Variants in CTBP2 observed in about 807,000 individuals in gnomAD.
CTBP2 encodes the protein C-terminal binding protein 2.
CTBP2 carries 30 observed loss-of-function variants against 80.3 expected under a neutral mutation model. The observed-to-expected ratio is 0.37, with a 90% CI of 0.28 to 0.51. The LOEUF is 0.51. Ranked by LOEUF, CTBP2 falls within the 20% of genes least tolerant of loss-of-function variation. The pLI is 0.93. For missense variants in CTBP2, 1,212 were observed against 1,375.3 expected (o/e 0.88, Z 1.88); for synonymous variants, 594 against 587.4 (o/e 1.01, Z -0.16).
chr10:125,097,260 T>A (rs1274765604), intron 2 of CTBP2, among the ~76,000 whole-genome samples: 1 of 152,158 alleles, frequency 6.6e-6, no homozygotes, highest in Non-Finnish European at 1.5e-5. Flanking sequence ...GGTATAAAGG[T>A]AATATGGAAA....
chr10:125,122,469 C>T (rs1241093999), intron 1 of CTBP2, among the ~76,000 whole-genome samples: 2 of 152,234 alleles, frequency 1.3e-5, no homozygotes, highest in Non-Finnish European at 2.9e-5. Flanking sequence ...AGGCCTTCCT[C>T]CTAAAGAAAC....
At chr10:125,065,824 G>A (rs1844532874) in intron 2 of CTBP2, among the ~76,000 whole-genome samples, 1 of 152,218 alleles carries the variant, frequency 6.6e-6, no homozygotes, top group Non-Finnish European at 1.5e-5. Flanking sequence ...CATCGGCTGG[G>A]TGTGGTGACT....
Position 125,132,474 on chromosome 10 carries a change from T to C in CTBP2, c.-205-21381A>G, listed in dbSNP as rs7090765. On this transcript the variant is annotated intron_variant, in intron 1 of 10. Coordinates refer to the CTBP2 transcript ENST00000337195. ...AGATGAAGGCCTGGGGTTCCCACAG[T>C]TGGGGGACTTGGCAGCAGTCAAACA... 4.0e-3 allele frequency among the ~76,000 whole-genome samples: 611 copies of C among 152,168 alleles called. 4 individuals are homozygous for C. The highest frequency in any genetic ancestry group is 0.014 in the African/African-American group (587 of 41,502).
In CTBP2 at chr10:125,027,034, G is replaced by C; in HGVS notation, c.726C>G (p.Pro242=). ...CTGGGGCCACCCCTGTGCTGCCTTC[G>C]GGGGCAGCAGCTGAACTGGGGTCCA... is the stretch of plus-strand genomic sequence containing the variant. Residue 242 remains proline (P), a synonymous_variant, in exon 1 of 9, where the codon CCC becomes CCG. Transcript: ENST00000309035. The C allele has an allele frequency of 6.2e-6, 10 of 1,613,528 alleles. No homozygotes were observed. The highest frequency in any genetic ancestry group is 6.8e-6 in the Non-Finnish European group (8 of 1,179,764).
In CTBP2 at chr10:124,984,803, G is replaced by A. The variant is rs761295715; in HGVS notation, c.*4715C>T. 1.2e-6 allele frequency: 2 copies of A among 1,613,850 alleles called. No individual in the cohort carries two copies. Among genetic ancestry groups the A allele is most frequent in the Non-Finnish European group, 1.7e-6 (2 of 1,179,950 alleles). On this transcript the variant is annotated 3_prime_UTR_variant, in exon 9 of 9. Coordinates refer to ENST00000309035, the MANE Select transcript of CTBP2 (RefSeq NM_022802.3). ...GTAATGAGGAACAGCAAGAAAAACTGCTCAGGGAGTGGCTGGACTGCTGTG... is the reference window on the plus strand; with the variant it reads ...GTAATGAGGAACAGCAAGAAAAACTACTCAGGGAGTGGCTGGACTGCTGTG...
chr10:125,090,749 G>C (rs1167437883), intron 2 of CTBP2, among the ~76,000 whole-genome samples: 3 of 149,354 alleles, frequency 2.0e-5, no homozygotes, highest in Non-Finnish European at 3.0e-5. Flanking sequence ...GCAAGATCTT[G>C]TCTCAAAAAA....
At chr10:125,055,946 C>T (rs1246641375) in intron 2 of CTBP2, among the ~76,000 whole-genome samples, 1 of 152,068 alleles carries the variant, frequency 6.6e-6, no homozygotes, top group African/African-American at 2.4e-5. Flanking sequence ...GTGGGCAGAT[C>T]ATGAGTCCAG....
chr10:125,005,402 C>T, intron 1 of CTBP2: 2 of 751,400 alleles, frequency 2.7e-6, no homozygotes, highest in Non-Finnish European at 4.3e-6. Context: ...TGCACCCAGT[C>T]ACTCCTGCTG....
intron 1 of CTBP2, among the ~76,000 whole-genome samples, chr10:125,129,911 C>T (rs1429608220): frequency 6.6e-6 from 1 of 152,182 alleles, no homozygotes; most frequent in African/African-American, 2.4e-5. Context: ...GCTGATGAAA[C>T]AGAGGACCCT....
intron 1 of CTBP2, among the ~76,000 whole-genome samples, chr10:125,152,288 G>T (rs1192583556): frequency 6.6e-6 from 1 of 152,176 alleles, no homozygotes; most frequent in Admixed American, 6.5e-5. Flanking sequence ...CAGCAGGGTG[G>T]GGCACCCCCG....
intron 1 of CTBP2, among the ~76,000 whole-genome samples, chr10:125,115,425 A>T (rs1853077231): frequency 6.6e-6 from 1 of 152,250 alleles, no homozygotes; most frequent in African/African-American, 2.4e-5. Context: ...AAGGGAAAGA[A>T]CAAGGAGTTA....
At position 124,985,102 on chromosome 10, in the gene CTBP2, G is replaced by A. The variant is rs1244922186; in HGVS notation, c.*4416C>T. On this transcript the variant is annotated 3_prime_UTR_variant, in exon 9 of 9. Transcript: ENST00000309035. Reference sequence around the variant, plus strand: ...TCATGGAATGAACCAAATCTGGCAGGATCTGCTCGGGGAAGTGTTTTCCTG... The same window carrying A: ...TCATGGAATGAACCAAATCTGGCAGAATCTGCTCGGGGAAGTGTTTTCCTG... The A allele has an allele frequency of 1.1e-5, 9 of 829,560 alleles. No homozygotes were observed. The highest frequency in any genetic ancestry group is 1.3e-5 in the Non-Finnish European group (7 of 524,572). The allele number at this position is 829,560 out of a possible 1,614,324, so 51.4% of individuals were successfully genotyped here. A position where few individuals can be genotyped will look rare whatever the true frequency, so the allele number is the denominator to read the frequency against.
intron 2 of CTBP2, among the ~76,000 whole-genome samples, chr10:125,069,887 T>TCC (rs374304058): frequency 3.4e-4 from 22 of 64,570 alleles, no homozygotes; most frequent in South Asian, 6.9e-4. Flanking sequence ...CCTGCCCCCC[T>TCC]CCCCCCCCCA....
intron 4 of CTBP2, chr10:124,996,633 G>C (rs1953629367): frequency 6.6e-6 from 1 of 152,446 alleles, no homozygotes; most frequent in Non-Finnish European, 1.5e-5. Flanking sequence ...GTGACGGCTG[G>C]AGTCAGAAGC....
intron 1 of CTBP2, among the ~76,000 whole-genome samples, chr10:125,005,032 C>T (rs571077152): frequency 1.1e-4 from 17 of 152,296 alleles, no homozygotes; most frequent in African/African-American, 3.1e-4. Flanking sequence ...GCTCATATTC[C>T]GTTAGCCACA....
chr10:125,057,386 T>C (rs1213860215), intron 2 of CTBP2, among the ~76,000 whole-genome samples: 2 of 152,140 alleles, frequency 1.3e-5, no homozygotes, highest in Admixed American at 1.3e-4. Context: ...CCCCTTTCAA[T>C]TGTCCTGTGA....
At chr10:125,043,598 C>T (rs966621255) in intron 2 of CTBP2, among the ~76,000 whole-genome samples, 4 of 152,038 alleles carry the variant, frequency 2.6e-5, no homozygotes, top group East Asian at 1.9e-4. Flanking sequence ...CCACCACGCC[C>T]GGCTACTTTT....
At chr10:125,152,019 G>A (rs1044340844) in intron 1 of CTBP2, among the ~76,000 whole-genome samples, 2 of 152,154 alleles carry the variant, frequency 1.3e-5, no homozygotes, top group Admixed American at 6.5e-5. Flanking sequence ...AGGTGGGGGG[G>A]CCCGGGGGTG....
At chr10:125,037,690 G>A (rs560018341) in intron 3 of CTBP2, among the ~76,000 whole-genome samples, 87 of 152,328 alleles carry the variant, frequency 5.7e-4, no homozygotes, top group African/African-American at 1.9e-3. Context: ...GAGGAAATGC[G>A]AATATGCAGC....
Sources: gnomAD v4.1 joint callset for allele counts (sites outside exome capture counted in the v4.1 genomes callset) on GRCh38, gnomAD v4.1.1 for gene constraint, MANE v1.5 for transcripts, NCBI Gene and HGNC (gene_info 2026-07-23, HGNC 2026-07-21) for gene names.